Variants in ARFGEF2 observed in about 807,000 individuals in gnomAD.
ARFGEF2 encodes brefeldin A-inhibited guanine nucleotide-exchange protein 2.
Under a neutral mutation model 219.9 loss-of-function variants are expected in ARFGEF2, and 74 were observed. That is an observed-to-expected ratio of 0.34 (90% CI 0.28 to 0.41). The LOEUF is 0.41. ARFGEF2 is among the 10% of genes least tolerant of loss of function. The pLI, the probability that ARFGEF2 is intolerant of heterozygous loss-of-function variation, is 1.00. For synonymous variants in ARFGEF2, 733 were observed against 799.2 expected, an observed-to-expected ratio of 0.92 and a Z score of 1.40; for missense variants, 1,743 against 2,218.3, an observed-to-expected ratio of 0.79 and a Z score of 4.30.
chr20:49,009,561 T>C (rs1201538142), intron 26 of ARFGEF2, among the ~76,000 whole-genome samples: 1 of 152,192 alleles, frequency 6.6e-6, no homozygotes, highest in Non-Finnish European at 1.5e-5. Context: ...TTCTTGCTAT[T>C]TGTGAGATAA....
Position 48,951,394 on chromosome 20 carries a change from C to T in ARFGEF2, c.348C>T (p.Asp116=). 2 of 1,614,220 alleles carry T rather than the reference C, an allele frequency of 1.2e-6. No homozygotes were observed. Among genetic ancestry groups the T allele is most frequent in the Non-Finnish European group, 1.7e-6 (2 of 1,180,042 alleles). The change falls in exon 4 of 39, where the codon GAC becomes GAT. Residue 116 remains aspartate (D), a synonymous_variant. Transcript: ENST00000371917. ...DSGAPGKRLI[D]RIVETICSCF... The stretch of plus-strand genomic sequence containing the variant: ...GAGCCCCTGGGAAGCGGCTGATCGA[C>T]AGAATTGTTGAAACCATTTGCAGTT...
chr20:48,926,324 A>G (rs1466351517), intron 1 of ARFGEF2, among the ~76,000 whole-genome samples: 5 of 152,244 alleles, frequency 3.3e-5, no homozygotes, highest in African/African-American at 1.2e-4. Context: ...CCTTGAGTCA[A>G]AAAGATCACA....
chr20:48,994,259 A>G (rs1050966986), intron 21 of ARFGEF2, among the ~76,000 whole-genome samples, 192 bp from the exon 22 acceptor site: 1 of 152,186 alleles, frequency 6.6e-6, no homozygotes, highest in Non-Finnish European at 1.5e-5. Context: ...ATTAAGTGAC[A>G]TGGTGGGAGG....
chr20:48,953,704 C>A lies in ARFGEF2; in HGVS notation c.752C>A (p.Thr251Asn). 6.2e-7 allele frequency: 1 copy of A among 1,614,146 alleles called. No homozygotes were observed. Among genetic ancestry groups the A allele is most frequent in the Non-Finnish European group, 8.5e-7 (1 of 1,180,030 alleles). ...KPTTPEKTDL[T>N]NGEHARSDSG... ...ACAACTCCCGAAAAAACAGATTTAACCAACGGTGAACATGCCAGGAGTGAT... is the reference window on the plus strand; with the variant it reads ...ACAACTCCCGAAAAAACAGATTTAAACAACGGTGAACATGCCAGGAGTGAT... Residue 251 changes from threonine (T) to asparagine (N), a missense_variant, in exon 6 of 39, where the codon ACC (threonine) becomes AAC (asparagine). Coordinates refer to ENST00000371917, the MANE Select transcript of ARFGEF2 (RefSeq NM_006420.3).
At chr20:49,032,385 C>A (rs1195889515) in intron 38 of ARFGEF2, among the ~76,000 whole-genome samples, 1 of 152,072 alleles carries the variant, frequency 6.6e-6, no homozygotes, top group African/African-American at 2.4e-5. Flanking sequence ...TTGAGAACGG[C>A]TGAAGTGTAG....
chr20:49,030,149 C>T (rs2091625440), intron 37 of ARFGEF2, among the ~76,000 whole-genome samples: 2 of 151,956 alleles, frequency 1.3e-5, no homozygotes, highest in African/African-American at 4.8e-5. Context: ...ACCTCGTGAT[C>T]CCCCCACCTC....
chr20:49,001,210 T>G (rs1006600907), intron 25 of ARFGEF2, among the ~76,000 whole-genome samples: 9 of 151,916 alleles, frequency 5.9e-5, no homozygotes, highest in African/African-American at 2.2e-4. Context: ...TAGCTAATTT[T>G]TGTATTTTCA....
intron 28 of ARFGEF2, 58 bp from the exon 29 acceptor site, chr20:49,013,506 T>C: frequency 6.2e-7 from 1 of 1,611,896 alleles, no homozygotes; most frequent in Non-Finnish European, 8.5e-7. Flanking sequence ...ATAGTTCCCT[T>C]TCAGTTCCTT....
At chr20:48,952,478 G>T (rs2091077239) in intron 4 of ARFGEF2, among the ~76,000 whole-genome samples, 1 of 152,124 alleles carries the variant, frequency 6.6e-6, no homozygotes, top group African/African-American at 2.4e-5. Flanking sequence ...ATTGTTTCGA[G>T]TGATTTGGAT....
chr20:48,951,547 A>G (rs1366351417), intron 4 of ARFGEF2, 78 bp downstream of exon 4: 28 of 1,591,888 alleles, frequency 1.8e-5, no homozygotes, highest in African/African-American at 6.7e-5. Context: ...CTAATTTACT[A>G]TGTGTTAGTT....
At chr20:48,947,024 C>T (rs1288835115) in intron 3 of ARFGEF2, among the ~76,000 whole-genome samples, 5 of 152,106 alleles carry the variant, frequency 3.3e-5, no homozygotes, top group African/African-American at 9.7e-5. Context: ...CCAGGCTGGT[C>T]TCGAACTCCT....
At chr20:48,991,000 G>T (rs777425837) in intron 20 of ARFGEF2, 40 bp from the exon 21 acceptor site, 17 of 1,602,858 alleles carry the variant, frequency 1.1e-5, no homozygotes, top group Non-Finnish European at 1.4e-5. Context: ...GCCACACTAA[G>T]GTTGGAGTCA....
At chr20:48,952,253 T>C in intron 4 of ARFGEF2, among the ~76,000 whole-genome samples, 1 of 146,292 alleles carries the variant, frequency 6.8e-6, no homozygotes, top group East Asian at 2.1e-4. Context: ...CCTCACAGGT[T>C]CAAGCAGTTC....
At chr20:48,928,971 C>T (rs952193279) in intron 1 of ARFGEF2, among the ~76,000 whole-genome samples, 2 of 152,118 alleles carry the variant, frequency 1.3e-5, no homozygotes, top group Non-Finnish European at 2.9e-5. Context: ...GAAAGCAGTG[C>T]TAGGGAAAAC....
At position 49,033,073 on chromosome 20, in the gene ARFGEF2, G is replaced by T. The variant is rs751546651; in HGVS notation, c.5232G>T (p.Gln1744His). 22 of 1,614,122 alleles carry T rather than the reference G, an allele frequency of 1.4e-5. No individual in the cohort carries two copies. The South Asian group carries it at 2.3e-4, about 17-fold the overall frequency. Residue 1744 changes from glutamine (Q) to histidine (H), a missense_variant, in exon 39 of 39, where the codon CAG becomes CAT. This residue lies in a region of ARFGEF2 where 578 missense variants were observed against 664.0 expected (regional missense o/e 0.87). Coordinates refer to ENST00000371917, the MANE Select transcript of ARFGEF2 (RefSeq NM_006420.3). The part of the protein sequence containing the change: ...MYYPYLCEIM[Q>H]FDLIPELRAV... ...ACCCCTACTTGTGTGAAATTATGCA[G>T]TTTGACCTGATCCCTGAGCTCCGAG...
Position 48,953,621 on chromosome 20 carries a change from T to C in ARFGEF2, c.669T>C (p.Ala223=), listed in dbSNP as rs995753906. The change falls in exon 6 of 39, where the codon GCT becomes GCC. Residue 223 remains alanine (A), a synonymous_variant. Transcript: ENST00000371917. ...AACCCCAGTCCCCTGTGATCCAAGC[T>C]GCAGCAGTATCCCCAAAGTTCGTTC... ...QSKPQSPVIQ[A]AAVSPKFVRL... 2 of 1,614,194 alleles carry C rather than the reference T, an allele frequency of 1.2e-6. No homozygotes were observed. The highest frequency in any genetic ancestry group is 1.7e-6 in the Non-Finnish European group (2 of 1,180,042).
rs187129312 is a variant in ARFGEF2, at chr20:48,970,477, G to A, written c.1191-643G>A. On this transcript the variant is annotated intron_variant, in intron 9 of 38. Coordinates refer to ENST00000371917, the MANE Select transcript of ARFGEF2 (RefSeq NM_006420.3). ...TACAAAAAATTAGCCGGGCATGGTG[G>A]CAGGCGCCTGTAATCCCAGCTACTC... Among the ~76,000 whole-genome samples the A allele has an allele frequency of 7.9e-5, 12 of 151,994 alleles. No individual in the cohort carries two copies. The East Asian group carries it at 2.3e-3, about 29-fold the overall frequency.
chr20:49,025,307 C>T lies in ARFGEF2; in HGVS notation c.4756-6C>T. The stretch of plus-strand genomic sequence containing the variant: ...TAGCTCTTCTATCCTCTGTCCTGTC[C>T]TCTAGCAAGACACGCTGGATGCAGA... On this transcript the variant is annotated splice_region_variant and splice_polypyrimidine_tract_variant and intron_variant, in intron 35 of 38. Coordinates refer to ENST00000371917, the MANE Select transcript of ARFGEF2 (RefSeq NM_006420.3). The T allele has an allele frequency of 6.2e-7, 1 of 1,607,154 alleles. No individual in the cohort carries two copies. Among genetic ancestry groups the T allele is most frequent in the Non-Finnish European group, 8.5e-7 (1 of 1,176,466 alleles).
intron 3 of ARFGEF2, among the ~76,000 whole-genome samples, chr20:48,950,734 A>C (rs1030301181): frequency 6.8e-6 from 1 of 146,408 alleles, no homozygotes. Context: ...AGGTGGAGGC[A>C]TCAGTGAGCC....
Sources: gnomAD v4.1 joint callset for allele counts (sites outside exome capture counted in the v4.1 genomes callset) on GRCh38, gnomAD v4.1.1 for gene constraint, gnomAD v4.1.1 regional missense constraint, MANE v1.5 for transcripts, NCBI Gene and HGNC (gene_info 2026-07-23, HGNC 2026-07-21) for gene names.